ZNF804B: variants seen among roughly 807,000 people sequenced by gnomAD.
The protein encoded by ZNF804B is zinc finger protein 804B.
ZNF804B carries 80 observed loss-of-function variants against 101.4 expected under a neutral mutation model. The observed-to-expected ratio is 0.79, with a 90% CI of 0.66 to 0.95. The LOEUF (loss-of-function observed/expected upper bound fraction) is 0.95. Ranked by LOEUF, ZNF804B falls within the 40% of genes least tolerant of loss-of-function variation. The pLI is 0.00. For synonymous variants in ZNF804B, 622 were observed against 558.8 expected (o/e 1.11, Z -1.59); for missense variants, 1,673 against 1,561.9 (o/e 1.07, Z -1.20).
At chr7:89,091,274 A>G (rs1789882442) in intron 1 of ZNF804B, among the ~76,000 whole-genome samples, 1 of 152,188 alleles carries the variant, frequency 6.6e-6, no homozygotes, top group African/African-American at 2.4e-5. Context: ...TGTAAATTAG[A>G]TGTAAATCAC....
chr7:89,195,231 C>T, intron 1 of ZNF804B, among the ~76,000 whole-genome samples: 1 of 148,472 alleles, frequency 6.7e-6, no homozygotes, highest in Admixed American at 6.8e-5. Flanking sequence ...CAGCCAATAT[C>T]ATACTGAATG....
intron 1 of ZNF804B, among the ~76,000 whole-genome samples, chr7:88,898,348 C>A (rs201452679): frequency 6.6e-5 from 10 of 151,956 alleles, no homozygotes; most frequent in Non-Finnish European, 1.3e-4. Flanking sequence ...GGCCTCCCAA[C>A]GTGCTGGGAT....
chr7:88,954,878 C>G (rs1018729073), intron 1 of ZNF804B, among the ~76,000 whole-genome samples: 1 of 151,604 alleles, frequency 6.6e-6, no homozygotes, highest in African/African-American at 2.4e-5. Context: ...GAAGACACTT[C>G]CCCAAGATAA....
intron 1 of ZNF804B, among the ~76,000 whole-genome samples, chr7:88,890,092 T>C (rs1792193489): frequency 6.6e-6 from 1 of 152,094 alleles, no homozygotes; most frequent in South Asian, 2.1e-4. Flanking sequence ...ATAATACATT[T>C]TTGAATTAGG....
At chr7:88,763,339 A>G (rs1305725232) in intron 1 of ZNF804B, among the ~76,000 whole-genome samples, 3 of 152,098 alleles carry the variant, frequency 2.0e-5, no homozygotes, top group African/African-American at 7.2e-5. Flanking sequence ...TTTTACCCCC[A>G]AACAGTTTTT....
In ZNF804B at chr7:89,300,482, G is replaced by GT. The variant is rs1790455329; in HGVS notation, c.250-26862_250-26861insT. On this transcript the variant is annotated intron_variant, in intron 2 of 3. Coordinates refer to ENST00000333190, the MANE Select transcript of ZNF804B (RefSeq NM_181646.5). ...GTTAGAGCTATTTTTAATTAGTGGT[G>GT]AAGGTAAGCCTCTGACAGCATGATA... 2.0e-5 allele frequency among the ~76,000 whole-genome samples: 3 copies of GT among 151,904 alleles called. No individual in the cohort carries two copies. In the East Asian group the frequency reaches 5.8e-4, roughly 30 times the overall value.
chr7:89,280,781 A>G lies in ZNF804B; in HGVS notation c.250-46563A>G, dbSNP rs536207536. ...ATAATCAATGGCTTACCAATCAAAA[A>G]GAGTCCAGGACCAGATGGATTCACA... On this transcript the variant is annotated intron_variant, in intron 2 of 3. Transcript: ENST00000333190. 2.6e-3 allele frequency among the ~76,000 whole-genome samples: 389 copies of G among 152,368 alleles called. 3 individuals carry two copies. The highest frequency in any genetic ancestry group is 9.0e-3 in the African/African-American group (376 of 41,586).
intron 1 of ZNF804B, among the ~76,000 whole-genome samples, chr7:89,063,626 T>G (rs1335934280): frequency 1.3e-5 from 2 of 152,168 alleles, no homozygotes; most frequent in Non-Finnish European, 2.9e-5. Flanking sequence ...AATGAGAATG[T>G]AGAATAGCTT....
intron 2 of ZNF804B, among the ~76,000 whole-genome samples, chr7:89,324,377 TA>T (rs764527498): frequency 3.9e-5 from 6 of 152,016 alleles, no homozygotes; most frequent in Non-Finnish European, 7.4e-5. Flanking sequence ...AGTGTTGACA[TA>T]ATATGTGTTC....
chr7:89,219,535 C>T (rs1788948417), intron 2 of ZNF804B, among the ~76,000 whole-genome samples: 2 of 151,618 alleles, frequency 1.3e-5, no homozygotes, highest in Admixed American at 1.3e-4. Flanking sequence ...ATTACCTACT[C>T]TCCAAATGTG....
intron 1 of ZNF804B, among the ~76,000 whole-genome samples, chr7:89,167,444 TATAA>T (rs3059362): frequency 7.1e-5 from 8 of 112,434 alleles, no homozygotes; most frequent in Admixed American, 8.9e-5. Context: ...GACAGTGTCT[TATAA>T]ATAAATAAAT....
intron 1 of ZNF804B, among the ~76,000 whole-genome samples, chr7:89,106,840 T>A (rs1048630389): frequency 5.3e-5 from 8 of 152,116 alleles, no homozygotes; most frequent in Non-Finnish European, 1.2e-4. Context: ...GAATATCCCA[T>A]GTTTTCAAGT....
intron 1 of ZNF804B, among the ~76,000 whole-genome samples, chr7:88,977,230 TGGTATCAG>T (rs750321263): frequency 1.3e-5 from 2 of 151,564 alleles, no homozygotes; most frequent in Non-Finnish European, 3.0e-5. Flanking sequence ...TGCCTCGTTT[TGGTATCAG>T]GGTAATACTG....
intron 1 of ZNF804B, among the ~76,000 whole-genome samples, chr7:88,861,661 A>G (rs562809367): frequency 1.1e-4 from 16 of 152,272 alleles, no homozygotes; most frequent in South Asian, 1.0e-3. Context: ...CTGTAATAAC[A>G]TATCTTCTAT....
intron 1 of ZNF804B, among the ~76,000 whole-genome samples, chr7:89,057,704 A>G (rs1172069425): frequency 3.9e-5 from 6 of 152,030 alleles, no homozygotes; most frequent in African/African-American, 7.2e-5. Flanking sequence ...CAAATGGCCA[A>G]TGAAGGAAGC....
intron 1 of ZNF804B, among the ~76,000 whole-genome samples, chr7:89,156,016 TTTCC>T (rs1178217163): frequency 4.8e-5 from 4 of 84,044 alleles, no homozygotes; most frequent in African/African-American, 1.2e-4. Context: ...TCTTTCTCTC[TTTCC>T]TTTCTTTCTT....
intron 1 of ZNF804B, among the ~76,000 whole-genome samples, chr7:88,791,453 T>C: frequency 6.6e-6 from 1 of 152,158 alleles, no homozygotes; most frequent in East Asian, 1.9e-4. Flanking sequence ...ATATGCTAAG[T>C]AAATCAGCAA....
At chr7:89,200,490 CT>C (rs1788616491) in intron 1 of ZNF804B, among the ~76,000 whole-genome samples, 1 of 151,964 alleles carries the variant, frequency 6.6e-6, no homozygotes, top group Admixed American at 6.6e-5. Flanking sequence ...CGACAAACTT[CT>C]TACCAAGGAG....
chr7:89,246,819 A>G (rs1789454890), intron 2 of ZNF804B, among the ~76,000 whole-genome samples: 1 of 152,044 alleles, frequency 6.6e-6, no homozygotes, highest in Non-Finnish European at 1.5e-5. Context: ...GCATATCTCC[A>G]GATATTAAAA....
Sources: gnomAD v4.1 joint callset for allele counts (sites outside exome capture counted in the v4.1 genomes callset) on GRCh38, gnomAD v4.1.1 for gene constraint, MANE v1.5 for transcripts, NCBI Gene and HGNC (gene_info 2026-07-23, HGNC 2026-07-21) for gene names.